The following COA1 variants were observed in gnomAD, a reference collection of about 807,000 sequenced individuals.
COA1 encodes the protein cytochrome c oxidase assembly factor 1.
Under a neutral mutation model 16.0 loss-of-function variants are expected in COA1, and 13 were observed. That is an observed-to-expected ratio of 0.81 (90% CI 0.53 to 1.29). The LOEUF (loss-of-function observed/expected upper bound fraction) is 1.29, where lower values mean the gene tolerates loss of function less well. COA1 is among the 50% of genes most tolerant of loss of function. COA1 has a pLI of 0.00. For missense variants in COA1, 179 were observed against 177.0 expected (o/e 1.01, Z -0.06); for synonymous variants, 65 against 65.7 (o/e 0.99, Z 0.05).
Position 43,619,872 on chromosome 7 carries a change from C to A in COA1, c.*134-10377G>T. The stretch of plus-strand genomic sequence containing the variant: ...ATCTATTCCTTTGGATTACATTTTA[C>A]AATGGAAAACGTTCAAGAGTAAGAT... On this transcript the variant is annotated intron_variant and NMD_transcript_variant, in intron 6 of 6. Coordinates refer to the COA1 transcript ENST00000415076. 2.7e-6 allele frequency: 3 copies of A among 1,106,662 alleles called. No homozygotes were observed. In the South Asian group the frequency reaches 4.9e-5, roughly 18 times the overall value. 68.6% of individuals were successfully genotyped at this position (1,106,662 alleles called of 1,614,324 possible).
intron 6 of COA1, chr7:43,623,978 C>A: frequency 1.1e-6 from 1 of 931,098 alleles, no homozygotes; most frequent in Non-Finnish European, 1.4e-6. Flanking sequence ...CTTGAATCTC[C>A]TCCAACCAAA....
At chr7:43,642,908 A>AT (rs2153074575) in intron 4 of COA1, among the ~76,000 whole-genome samples, 1 of 152,358 alleles carries the variant, frequency 6.6e-6, no homozygotes, top group Non-Finnish European at 1.5e-5. Context: ...ATAAGAGGGC[A>AT]TATGCTGTAT....
chr7:43,613,167 A>G (rs962022895), intron 6 of COA1, among the ~76,000 whole-genome samples: 1 of 152,190 alleles, frequency 6.6e-6, no homozygotes, highest in Non-Finnish European at 1.5e-5. Flanking sequence ...GTCTTTCAGC[A>G]GTGTTAGTAC....
Position 43,639,423 on chromosome 7 carries a change from C to T in COA1, c.*159G>A. On this transcript the variant is annotated 3_prime_UTR_variant, in exon 6 of 6. Transcript: ENST00000223336. ...TGTTGTGCCCAAGTTAGAATTACAC[C>T]AAAATTACCATGTGCTGGCACATAC... The T allele has an allele frequency of 1.8e-6, 1 of 545,072 alleles. No individual in the cohort carries two copies. 33.8% of individuals were successfully genotyped at this position (545,072 alleles called of 1,614,324 possible).
At chr7:43,637,004 G>A (rs1028171649), downstream of COA1, among the ~76,000 whole-genome samples, 4 of 152,110 alleles carry the variant, frequency 2.6e-5, no homozygotes, top group Non-Finnish European at 4.4e-5. Flanking sequence ...TGTCCAAACT[G>A]GGCTTCTGAT....
At chr7:43,676,397 C>G (rs1164411589) in intron 1 of COA1, among the ~76,000 whole-genome samples, 2 of 152,014 alleles carry the variant, frequency 1.3e-5, no homozygotes, top group Admixed American at 6.6e-5. Context: ...TATATATACG[C>G]AATAGAATAC....
At chr7:43,719,734 A>G (rs905578561) in intron 1 of COA1, among the ~76,000 whole-genome samples, 17 of 152,160 alleles carry the variant, frequency 1.1e-4, no homozygotes, top group Non-Finnish European at 4.4e-5. Flanking sequence ...ATATTTCAAT[A>G]TAGTATTAAG....
chr7:43,636,390 A>G (rs1318065304), downstream of COA1, among the ~76,000 whole-genome samples: 2 of 152,170 alleles, frequency 1.3e-5, no homozygotes, highest in Non-Finnish European at 2.9e-5. Flanking sequence ...TTGCCCAAGC[A>G]TCCCAATGAG....
chr7:43,714,454 C>G (rs904202208), intron 1 of COA1, among the ~76,000 whole-genome samples: 2 of 151,220 alleles, frequency 1.3e-5, no homozygotes, highest in African/African-American at 4.9e-5. Context: ...ATGGTGAAAC[C>G]CCATCTCTAC....
intron 4 of COA1, among the ~76,000 whole-genome samples, chr7:43,644,777 G>GAGAGAGAGAGA (rs2088567002): frequency 1.7e-5 from 2 of 114,894 alleles, no homozygotes; most frequent in African/African-American, 6.9e-5. Context: ...CAGGCAGGCA[G>GAGAGAGAGAGA]GCAGGCAGGC....
chr7:43,663,666 CAAAAA>C (rs759423078), intron 1 of COA1, among the ~76,000 whole-genome samples: 1 of 70,640 alleles, frequency 1.4e-5, no homozygotes, highest in African/African-American at 6.4e-5. Flanking sequence ...GACCCTATCT[CAAAAA>C]AAAAAAAAAA....
At chr7:43,719,568 G>A (rs147395674) in intron 1 of COA1, among the ~76,000 whole-genome samples, 69 of 152,208 alleles carry the variant, frequency 4.5e-4, no homozygotes, top group African/African-American at 1.4e-3. Context: ...AATCACTGTC[G>A]AGTTCTAAAT....
chr7:43,698,205 A>T (rs1407473103), intron 1 of COA1, among the ~76,000 whole-genome samples: 1 of 152,232 alleles, frequency 6.6e-6, no homozygotes, highest in Non-Finnish European at 1.5e-5. Flanking sequence ...ATGAAAAACA[A>T]ACGTTTAGCC....
chr7:43,691,290 AAAG>A (rs1563381830), intron 1 of COA1, among the ~76,000 whole-genome samples: 2 of 60,640 alleles, frequency 3.3e-5, no homozygotes, highest in African/African-American at 1.1e-4. Flanking sequence ...AGAAAGAAAG[AAAG>A]AAAGAAAGAA....
At chr7:43,702,648 C>G (rs1049098489) in intron 1 of COA1, among the ~76,000 whole-genome samples, 1 of 152,082 alleles carries the variant, frequency 6.6e-6, no homozygotes, top group South Asian at 2.1e-4. Context: ...AGTTTCTCTA[C>G]ATAGGGGTGT....
At chr7:43,666,671 T>A (rs949465200) in intron 1 of COA1, among the ~76,000 whole-genome samples, 1 of 152,154 alleles carries the variant, frequency 6.6e-6, no homozygotes, top group Non-Finnish European at 1.5e-5. Context: ...AGATACTAGG[T>A]TTGCTAAACA....
At chr7:43,657,847 A>C (rs1413046139) in intron 1 of COA1, among the ~76,000 whole-genome samples, 1 of 152,190 alleles carries the variant, frequency 6.6e-6, no homozygotes, top group Non-Finnish European at 1.5e-5. Flanking sequence ...AAATGGGCAA[A>C]AATGCTGAAC....
At chr7:43,705,322 G>A (rs2094928465) in intron 1 of COA1, among the ~76,000 whole-genome samples, 1 of 152,252 alleles carries the variant, frequency 6.6e-6, no homozygotes, top group Non-Finnish European at 1.5e-5. Context: ...AATGCACACT[G>A]GCAGGAGAAG....
intron 1 of COA1, among the ~76,000 whole-genome samples, chr7:43,672,891 A>C (rs2093342139): frequency 6.6e-6 from 1 of 152,218 alleles, no homozygotes. Context: ...ATCTTTGATA[A>C]AGTTAACAAA....
Sources: allele counts gnomAD v4.1 joint callset (sites outside exome capture counted in the v4.1 genomes callset), GRCh38; gene constraint gnomAD v4.1.1; transcripts MANE v1.5; gene names NCBI Gene and HGNC (gene_info 2026-07-23, HGNC 2026-07-21).